Variants in UPB1 observed in about 807,000 individuals in gnomAD.
UPB1 encodes beta-ureidopropionase 1, also known as beta-ureidopropionase.
A neutral mutation model predicts 49.1 loss-of-function variants in UPB1; 40 were observed. The ratio of observed to expected loss-of-function variants is 0.81; its 90% CI spans 0.63 to 1.06. UPB1 has a LOEUF of 1.06. Among genes scored for constraint, UPB1 ranks in the 50% least tolerant of loss-of-function variants. The pLI is 0.00. For missense variants in UPB1, 499 were observed against 505.9 expected (o/e 0.99, Z 0.13); for synonymous variants, 207 against 198.2 (o/e 1.04, Z -0.38).
intron 5 of UPB1, among the ~76,000 whole-genome samples, chr22:24,514,391 G>C (rs772374906): frequency 2.0e-5 from 3 of 152,166 alleles, no homozygotes. Context: ...GATAGCACAG[G>C]GCTTGTCTCA....
At chr22:24,504,503 A>G (rs2044049745) in intron 3 of UPB1, among the ~76,000 whole-genome samples, 1 of 152,134 alleles carries the variant, frequency 6.6e-6, no homozygotes, top group Non-Finnish European at 1.5e-5. Flanking sequence ...CCAGTACTCT[A>G]CAATTTCATA....
At chr22:24,497,839 T>C (rs2043920377) in intron 1 of UPB1, among the ~76,000 whole-genome samples, 1 of 152,168 alleles carries the variant, frequency 6.6e-6, no homozygotes, top group Non-Finnish European at 1.5e-5. Context: ...AGGGTCTGTG[T>C]GTCTGTTTCC....
chr22:24,510,200 T>A (rs1601495673), intron 3 of UPB1, among the ~76,000 whole-genome samples: 2 of 150,284 alleles, frequency 1.3e-5, no homozygotes, highest in East Asian at 3.9e-4. Flanking sequence ...GCCATTGTAC[T>A]CTGGCCTGGG....
At chr22:24,523,408 G>T (rs2044430229) in intron 8 of UPB1, among the ~76,000 whole-genome samples, 1 of 152,234 alleles carries the variant, frequency 6.6e-6, no homozygotes, top group South Asian at 2.1e-4. Flanking sequence ...CAGGGGCAAA[G>T]GGAAGCAGCA....
intron 3 of UPB1, among the ~76,000 whole-genome samples, chr22:24,504,722 C>CT (rs2044054840): frequency 9.3e-6 from 1 of 107,478 alleles, no homozygotes; most frequent in Non-Finnish European, 1.9e-5. Flanking sequence ...TGTATTTCCT[C>CT]CTTTTTTTTT....
Position 24,515,233 on chromosome 22 carries a change from C to A in UPB1, c.654C>A (p.His218Gln), listed in dbSNP as rs1349419437. The change falls in exon 6 of 10, where the codon CAC becomes CAA. Residue 218 changes from histidine to glutamine, a missense_variant. His to Gln is a conservative substitution (Grantham distance 24, BLOSUM62 0). Transcript: ENST00000326010. ...ACTACATGGAGGGAAACCTGGGCCA[C>A]CCCGTGTTCCAGACGCAGTTCGGAA... ...STYYMEGNLG[H>Q]PVFQTQFGRI... 9.3e-6 allele frequency: 15 copies of A among 1,614,200 alleles called. No individual in the cohort carries two copies. Among genetic ancestry groups the A allele is most frequent in the Non-Finnish European group, 1.2e-5 (14 of 1,180,040 alleles).
chr22:24,503,685 C>T (rs1283195795), intron 3 of UPB1: 1 of 152,242 alleles, frequency 6.6e-6, no homozygotes, highest in Non-Finnish European at 1.5e-5. Context: ...GGCATTTGGC[C>T]ATTAACTTAA....
rs555783522 is a variant in UPB1, at chr22:24,509,720, T to G, written c.365-1029T>G. Among the ~76,000 whole-genome samples the G allele has an allele frequency of 3.9e-4, 57 of 147,350 alleles. 1 individual carries two copies. Among genetic ancestry groups the G allele is most frequent in the Non-Finnish European group, 4.2e-4 (28 of 67,096 alleles). ...GGGAACTTTGGCAATTTAAAACTTT[T>G]TGTGTGTGTGGCATATAGATATACA... On this transcript the variant is annotated intron_variant, in intron 3 of 9. Coordinates refer to ENST00000326010, the MANE Select transcript of UPB1 (RefSeq NM_016327.3).
In UPB1 at chr22:24,525,841, G is replaced by A. The variant is rs112864315; in HGVS notation, c.*47G>A. 2.1e-5 allele frequency: 33 copies of A among 1,606,962 alleles called. No individual in the cohort carries two copies. Among genetic ancestry groups the A allele is most frequent in the African/African-American group, 1.7e-4 (13 of 74,916 alleles). On this transcript the variant is annotated 3_prime_UTR_variant, in exon 10 of 10. Coordinates refer to ENST00000326010, the MANE Select transcript of UPB1 (RefSeq NM_016327.3). ...GGGTGAGGAAGACACCTCTGCCCCA[G>A]TGGATTAGCAAGTGTGGCAGGCTTA...
At chr22:24,512,621 G>A (rs1008806633) in intron 4 of UPB1, among the ~76,000 whole-genome samples, 1 of 152,082 alleles carries the variant, frequency 6.6e-6, no homozygotes. Context: ...TATTCACACT[G>A]TGCGGATCTC....
intron 3 of UPB1, among the ~76,000 whole-genome samples, chr22:24,508,546 C>T (rs1056924450): frequency 2.0e-5 from 3 of 148,742 alleles, no homozygotes; most frequent in Non-Finnish European, 4.5e-5. Context: ...GCAACGAGAG[C>T]GAGACTCCGT....
chr22:24,504,839 C>T (rs569879517), intron 3 of UPB1, among the ~76,000 whole-genome samples: 3 of 151,236 alleles, frequency 2.0e-5, no homozygotes, highest in Non-Finnish European at 3.0e-5. Context: ...GCAATCCTCC[C>T]GCCCCAGCCT....
chr22:24,502,896 CCTTTT>C (rs1295575098), intron 3 of UPB1: 5 of 204,970 alleles, frequency 2.4e-5, no homozygotes, highest in South Asian at 9.0e-5. Flanking sequence ...AACTTTGATT[CCTTTT>C]CTTTTTTTTT....
At chr22:24,518,297 A>G (rs2044331822) in intron 6 of UPB1, 1 of 152,250 alleles carries the variant, frequency 6.6e-6, no homozygotes, top group African/African-American at 2.4e-5. Context: ...TTGTACAGCC[A>G]CTATAAAGAG....
intron 4 of UPB1, among the ~76,000 whole-genome samples, chr22:24,511,354 A>T (rs943725231): frequency 5.3e-5 from 8 of 152,198 alleles, no homozygotes; most frequent in Admixed American, 3.3e-4. Context: ...GACAGAAAGT[A>T]GATAAGTGGT....
intron 3 of UPB1, 100 bp from the exon 4 acceptor site, chr22:24,510,649 G>A: frequency 7.9e-7 from 1 of 1,273,626 alleles, no homozygotes; most frequent in Non-Finnish European, 1.1e-6. Context: ...GCACTCCTGA[G>A]ACTGTATTCT....
Position 24,525,739 on chromosome 22 carries a change from G to A in UPB1, c.1100G>A (p.Arg367Gln), listed in dbSNP as rs1267441184. Residue 367 changes from arginine to glutamine, a missense_variant, in exon 10 of 10, where the codon CGG becomes CAG. Physicochemically the swap from Arg to Gln is conservative, Grantham distance 43 (BLOSUM62 1). Transcript: ENST00000326010. ...ACGGGCAGGTATGAGATGTACGCAC[G>A]GGAGCTCGCCGAAGCTGTCAAGTCC... ...KMTGRYEMYARELAEAVKSNY... is the reference protein window; with the variant it reads ...KMTGRYEMYAQELAEAVKSNY... The A allele has an allele frequency of 8.7e-6, 14 of 1,614,046 alleles. No individual in the cohort carries two copies. The East Asian group carries it at 1.8e-4, about 21-fold the overall frequency.
chr22:24,497,055 T>C (rs549648586), intron 1 of UPB1, among the ~76,000 whole-genome samples: 11 of 152,218 alleles, frequency 7.2e-5, no homozygotes, highest in Admixed American at 1.3e-4. Flanking sequence ...CTCTCCCCCC[T>C]ATCTCCCTTC....
chr22:24,502,192 A>G lies in UPB1; in HGVS notation c.343A>G (p.Ile115Val). The G allele has an allele frequency of 6.2e-7, 1 of 1,614,210 alleles. No individual in the cohort carries two copies. Among genetic ancestry groups the G allele is most frequent in the South Asian group, 1.1e-5 (1 of 91,088 alleles). ...EVAAMCGVNI[I>V]CFQEAWTMPF... is the part of the protein sequence containing the mutation. ...GGCTGCAATGTGTGGAGTCAACATC[A>G]TCTGTTTCCAGGAAGCATGGAGTGA... Residue 115 changes from isoleucine (I) to valine (V), a missense_variant, in exon 3 of 10, where the codon ATC becomes GTC. Ile to Val is a conservative substitution (Grantham distance 29). Transcript: ENST00000326010.
Sources: allele counts gnomAD v4.1 joint callset (sites outside exome capture counted in the v4.1 genomes callset), GRCh38; gene constraint gnomAD v4.1.1; transcripts MANE v1.5; gene names NCBI Gene and HGNC (gene_info 2026-07-23, HGNC 2026-07-21).